PBX1: variants seen among roughly 807,000 people sequenced by gnomAD.
PBX1 encodes the protein PBX homeobox 1.
A neutral mutation model predicts 53.4 loss-of-function variants in PBX1; 6 were observed. The observed-to-expected ratio is 0.11, with a 90% CI of 0.06 to 0.22. PBX1 has a LOEUF of 0.22. Among genes scored for constraint, PBX1 ranks in the 10% least tolerant of loss-of-function variants. The pLI is 1.00. For synonymous variants in PBX1, 204 were observed against 212.3 expected (o/e 0.96, Z 0.34); for missense variants, 251 against 551.4 (o/e 0.46, Z 5.46).
At chr1:164,603,929 ATTTTTTTTTTTTTTTTTTTTT>A (rs71583414) in intron 2 of PBX1, among the ~76,000 whole-genome samples, 2 of 75,742 alleles carry the variant, frequency 2.6e-5, no homozygotes, top group Non-Finnish European at 4.5e-5. Context: ...ATGTCATTTC[ATTTTTTTTTTTTTTTTTTTTT>A]TTTTTTTTTT....
intron 2 of PBX1, among the ~76,000 whole-genome samples, chr1:164,862,028 G>A (rs1004979357): frequency 6.6e-6 from 1 of 152,172 alleles, no homozygotes; most frequent in Non-Finnish European, 1.5e-5. Context: ...GAACCTGGAG[G>A]CCTTGGAATG....
chr1:164,712,218 CTCTG>C (rs1246511832), intron 2 of PBX1, among the ~76,000 whole-genome samples: 11 of 151,132 alleles, frequency 7.3e-5, no homozygotes, highest in Admixed American at 2.6e-4. Context: ...TCGGGCAGCT[CTCTG>C]TCTGCTGTCT....
At chr1:164,667,376 GTATA>G (rs1660864834) in intron 2 of PBX1, among the ~76,000 whole-genome samples, 1 of 147,906 alleles carries the variant, frequency 6.8e-6, no homozygotes, top group South Asian at 2.2e-4. Context: ...ATAATATAAT[GTATA>G]TAACATGTAT....
chr1:164,847,907 C>G lies in PBX1; in HGVS notation c.*1231C>G. Reference sequence around the variant, plus strand: ...TAAACTACTCTTGTTCCCACCACCTCTGGAGCACTCAGGGAGCCCCATACA... The same window carrying G: ...TAAACTACTCTTGTTCCCACCACCTGTGGAGCACTCAGGGAGCCCCATACA... On this transcript the variant is annotated 3_prime_UTR_variant, in exon 9 of 9. Coordinates refer to ENST00000420696, the MANE Select transcript of PBX1 (RefSeq NM_002585.4). 1 of 1,054,772 alleles carries G rather than the reference C, an allele frequency of 9.5e-7. No individual in the cohort carries two copies. Among genetic ancestry groups the G allele is most frequent in the Non-Finnish European group, 1.1e-6 (1 of 872,632 alleles). The allele number at this position is 1,054,772 out of a possible 1,614,324, so 65.3% of individuals were successfully genotyped here.
At chr1:164,821,148 A>G (rs1670135086) in intron 7 of PBX1, among the ~76,000 whole-genome samples, 1 of 152,224 alleles carries the variant, frequency 6.6e-6, no homozygotes, top group Non-Finnish European at 1.5e-5. Context: ...CTTTGTTTTT[A>G]TAGGATACCC....
chr1:164,842,918 C>T (rs979745271), intron 8 of PBX1, among the ~76,000 whole-genome samples: 2 of 151,692 alleles, frequency 1.3e-5, no homozygotes, highest in Non-Finnish European at 2.9e-5. Flanking sequence ...CCCCACCCAC[C>T]GCACAGTTGT....
At chr1:164,840,092 A>G (rs1025639576) in intron 8 of PBX1, among the ~76,000 whole-genome samples, 11 of 152,134 alleles carry the variant, frequency 7.2e-5, no homozygotes, top group African/African-American at 2.7e-4. Context: ...TCTTTAAGGA[A>G]CTGTAATAAA....
At chr1:164,802,739 G>A (rs1669142495) in intron 4 of PBX1, among the ~76,000 whole-genome samples, 1 of 151,688 alleles carries the variant, frequency 6.6e-6, no homozygotes, top group African/African-American at 2.4e-5. Context: ...CTGTACCACG[G>A]AAGTTTAACT....
chr1:164,839,768 A>G (rs1017333653), intron 8 of PBX1, among the ~76,000 whole-genome samples: 2 of 152,154 alleles, frequency 1.3e-5, no homozygotes, highest in Non-Finnish European at 2.9e-5. Flanking sequence ...ACTGCATTGC[A>G]CTGCTAATCT....
intron 2 of PBX1, among the ~76,000 whole-genome samples, chr1:164,647,029 C>T (rs572333877): frequency 1.1e-3 from 174 of 152,288 alleles, no homozygotes; most frequent in African/African-American, 4.0e-3. Flanking sequence ...CCTACAGGCT[C>T]GGGGGTCCCA....
At chr1:164,696,161 C>G (rs1361834980) in intron 2 of PBX1, among the ~76,000 whole-genome samples, 1 of 151,892 alleles carries the variant, frequency 6.6e-6, no homozygotes, top group Admixed American at 6.6e-5. Context: ...GCCGGATGTA[C>G]TAGAGTGTAG....
intron 2 of PBX1, among the ~76,000 whole-genome samples, chr1:164,756,115 G>A (rs908319273): frequency 1.3e-5 from 2 of 152,130 alleles, no homozygotes; most frequent in Non-Finnish European, 2.9e-5. Context: ...TTAGGGGCTG[G>A]CTTTTGCTTT....
At chr1:164,707,418 T>TGTGTGTGTGAGA (rs58617739) in intron 2 of PBX1, among the ~76,000 whole-genome samples, 73 of 118,258 alleles carry the variant, frequency 6.2e-4, no homozygotes, top group African/African-American at 2.7e-3. Context: ...TGTGTGTGTG[T>TGTGTGTGTGAGA]GAGAGAGAGA....
chr1:164,630,137 G>A (rs971139503), intron 2 of PBX1, among the ~76,000 whole-genome samples: 5 of 152,162 alleles, frequency 3.3e-5, no homozygotes, highest in Non-Finnish European at 5.9e-5. Flanking sequence ...GGTGATGCTC[G>A]TGGGACAGTA....
At chr1:164,567,989 G>A (rs1422524221) in intron 2 of PBX1, among the ~76,000 whole-genome samples, 1 of 152,180 alleles carries the variant, frequency 6.6e-6, no homozygotes, top group Non-Finnish European at 1.5e-5. Flanking sequence ...ACTGTTGGCT[G>A]AGAAGGGGGC....
downstream of PBX1, among the ~76,000 whole-genome samples, chr1:164,851,986 C>A (rs1671862484): frequency 6.6e-6 from 1 of 152,134 alleles, no homozygotes; most frequent in Non-Finnish European, 1.5e-5. Flanking sequence ...TATGGACCAC[C>A]TTCTTCACTC....
At chr1:164,860,653 T>C (rs1165730437) in intron 2 of PBX1, among the ~76,000 whole-genome samples, 2 of 152,156 alleles carry the variant, frequency 1.3e-5, no homozygotes, top group Admixed American at 6.5e-5. Context: ...AAGACATGCA[T>C]AGAATATGCA....
At chr1:164,795,087 G>A (rs775200243) in intron 3 of PBX1, among the ~76,000 whole-genome samples, 3 of 152,014 alleles carry the variant, frequency 2.0e-5, no homozygotes, top group Non-Finnish European at 2.9e-5. Flanking sequence ...CTGACATAAC[G>A]GCACTTGCTC....
rs372248649 is a variant in PBX1 at position 164,709,082 on chromosome 1, T to C, written c.266-83412T>C. Among the ~76,000 whole-genome samples the C allele has an allele frequency of 1.1e-4, 16 of 152,254 alleles. No homozygotes were observed. In the East Asian group the frequency reaches 2.3e-3, roughly 22 times the overall value. On this transcript the variant is annotated intron_variant, in intron 2 of 8. Coordinates refer to ENST00000420696, the MANE Select transcript of PBX1 (RefSeq NM_002585.4). ...TAGATACTCTGAGAAGTAGTCACGG[T>C]ACTCATGGGGCCTGCTACTTCATAA... is the stretch of plus-strand genomic sequence containing the variant.
Sources: gnomAD v4.1 joint callset for allele counts (sites outside exome capture counted in the v4.1 genomes callset) on GRCh38, gnomAD v4.1.1 for gene constraint, MANE v1.5 for transcripts, NCBI Gene and HGNC (gene_info 2026-07-23, HGNC 2026-07-21) for gene names.